ZNF879: variants seen among roughly 807,000 people sequenced by gnomAD.
ZNF879 encodes zinc finger protein 879.
ZNF879 carries 32 observed loss-of-function variants against 44.3 expected under a neutral mutation model. The ratio of observed to expected loss-of-function variants is 0.72; its 90% confidence interval spans 0.54 to 0.97. ZNF879 has a LOEUF of 0.97. Ranked by LOEUF, ZNF879 falls within the 50% of genes least tolerant of loss-of-function variation. The pLI is 0.00. For missense variants in ZNF879, 621 were observed against 669.7 expected (o/e 0.93, Z 0.80); for synonymous variants, 234 against 233.2 (o/e 1.00, Z -0.03).
Position 179,033,032 on chromosome 5 carries a change from C to T in ZNF879, c.1084C>T (p.His362Tyr). ...AFTSISRLSR[H>Y]HRIHTGEKPF... ...CACTTCAATATCGCGGCTAAGTAGGCACCATCGAATTCATACTGGAGAGAA... is the reference window on the plus strand; with the variant it reads ...CACTTCAATATCGCGGCTAAGTAGGTACCATCGAATTCATACTGGAGAGAA... Residue 362 changes from histidine (H) to tyrosine (Y), a missense_variant, in exon 5 of 5, where the codon CAC (histidine) becomes TAC (tyrosine). Transcript: ENST00000444149. The T allele has an allele frequency of 1.3e-6, 2 of 1,557,938 alleles. No homozygotes were observed. The highest frequency in any genetic ancestry group is 1.2e-5 in the South Asian group (1 of 84,752).
At chr5:179,031,394 A>C (rs144612676) in intron 4 of ZNF879, among the ~76,000 whole-genome samples, 2 of 152,306 alleles carry the variant, frequency 1.3e-5, no homozygotes, top group Non-Finnish European at 1.5e-5. Context: ...ACAGGAAGCT[A>C]TTCCTGCCTA....
chr5:179,030,766 A>G (rs1268850373), intron 4 of ZNF879, among the ~76,000 whole-genome samples: 1 of 152,364 alleles, frequency 6.6e-6, no homozygotes, highest in East Asian at 1.9e-4. Context: ...GTTTCATAAA[A>G]TACAAAAGGA....
In ZNF879 at chr5:179,032,872, A is replaced by C. The variant is rs754459954; in HGVS notation, c.924A>C (p.Arg308=). The change falls in exon 5 of 5, where the codon CGA becomes CGC. Residue 308 remains arginine (R), a synonymous_variant. Coordinates refer to ENST00000444149, the MANE Select transcript of ZNF879 (RefSeq NM_001136116.3). ...GTTCATCTCTTAATAATCACCAGCGAATTCACACAGGAGAGAAGCCCTATA... is the reference window on the plus strand; with the variant it reads ...GTTCATCTCTTAATAATCACCAGCGCATTCACACAGGAGAGAAGCCCTATA... The part of the protein sequence containing the change: ...KGSSSLNNHQ[R]IHTGEKPYKC... 2.0e-5 allele frequency: 32 copies of C among 1,568,594 alleles called. No homozygotes were observed. Among genetic ancestry groups the C allele is most frequent in the Non-Finnish European group, 2.8e-5 (32 of 1,156,780 alleles).
chr5:179,024,270 C>G (rs1761195923), intron 1 of ZNF879, among the ~76,000 whole-genome samples: 1 of 152,192 alleles, frequency 6.6e-6, no homozygotes, highest in African/African-American at 2.4e-5. Context: ...GGAGTTTAAA[C>G]TTTAGATTTA....
At chr5:179,024,845 G>C in intron 1 of ZNF879, 125 bp from the exon 2 acceptor site, 1 of 714,290 alleles carries the variant, frequency 1.4e-6, no homozygotes, top group East Asian at 2.7e-5. Context: ...GGCCCCTCTG[G>C]CCTGGGCAGT....
Position 179,032,226 on chromosome 5 carries a change from C to A in ZNF879, c.278C>A (p.Thr93Asn), listed in dbSNP as rs1009777408. ...TTAGGATGGGAAAGCTTGTTTGGAA[C>A]CATAGTTTCTAAAGAAGAAAATCAG... ...AHLGWESLFGTIVSKEENQEV... is the reference protein window; with the variant it reads ...AHLGWESLFGNIVSKEENQEV... The change falls in exon 5 of 5, where the codon ACC (threonine) becomes AAC (asparagine). Residue 93 changes from threonine (T) to asparagine (N), a missense_variant. By Grantham distance (65) the Thr-to-Asn change is moderately conservative. Coordinates refer to ENST00000444149, the MANE Select transcript of ZNF879 (RefSeq NM_001136116.3). 1.3e-6 allele frequency: 2 copies of A among 1,522,370 alleles called. No homozygotes were observed. Among genetic ancestry groups the A allele is most frequent in the African/African-American group, 2.8e-5 (2 of 71,102 alleles). 94.3% of individuals were successfully genotyped at this position (1,522,370 alleles called of 1,614,324 possible).
At position 179,033,414 on chromosome 5, in the gene ZNF879, G is replaced by A. The variant is rs1305594966; in HGVS notation, c.1466G>A (p.Cys489Tyr). ...GAAAAACCTTATAAATGTAATGACT[G>A]TGAGAAAGCCTTCAACCAAAGCTCA... ...TGEKPYKCND[C>Y]EKAFNQSSAL... The change falls in exon 5 of 5, where the codon TGT becomes TAT. Residue 489 changes from cysteine (C) to tyrosine (Y), a missense_variant. By Grantham distance (194) the Cys-to-Tyr change is radical (BLOSUM62 -2). Transcript: ENST00000444149. 1.9e-6 allele frequency: 3 copies of A among 1,559,814 alleles called. No individual in the cohort carries two copies. The Admixed American group carries it at 5.8e-5, about 30-fold the overall frequency.
intron 2 of ZNF879, among the ~76,000 whole-genome samples, chr5:179,026,522 G>A (rs549704269): frequency 6.6e-6 from 1 of 152,040 alleles, no homozygotes; most frequent in African/African-American, 2.4e-5. Flanking sequence ...TTACTCTGTT[G>A]CCCAGGCTGG....
At chr5:179,031,346 C>G (rs767381801) in intron 4 of ZNF879, among the ~76,000 whole-genome samples, 1 of 152,208 alleles carries the variant, frequency 6.6e-6, no homozygotes, top group Non-Finnish European at 1.5e-5. Context: ...CTTGTTCACT[C>G]TGCTTCAGCT....
At position 179,033,334 on chromosome 5, in the gene ZNF879, A is replaced by G; in HGVS notation, c.1386A>G (p.Gly462=). The change falls in exon 5 of 5, where the codon GGA becomes GGG. Residue 462 remains glycine (G), a synonymous_variant. Transcript: ENST00000444149. ...GEKPYNCKEC[G]KAFSSHSGVN... is the part of the protein sequence containing the mutation. ...AACCATATAATTGTAAGGAATGTGG[A>G]AAAGCCTTCAGTTCCCACTCAGGCG... 6.4e-7 allele frequency: 1 copy of G among 1,569,932 alleles called. No individual in the cohort carries two copies. The highest frequency in any genetic ancestry group is 8.6e-7 in the Non-Finnish European group (1 of 1,157,316).
In ZNF879 at chr5:179,032,220, T is replaced by C; in HGVS notation, c.272T>C (p.Phe91Ser). Residue 91 changes from phenylalanine (F) to serine (S), a missense_variant, in exon 5 of 5, where the codon TTT becomes TCT. Physicochemically the swap from Phe to Ser is radical, Grantham distance 155. Transcript: ENST00000444149. ...QGAHLGWESL[F>S]GTIVSKEENQ... is the part of the protein sequence containing the mutation. ...TCTACTTTAGGATGGGAAAGCTTGT[T>C]TGGAACCATAGTTTCTAAAGAAGAA... is the stretch of plus-strand genomic sequence containing the variant. The C allele has an allele frequency of 6.6e-7, 1 of 1,516,698 alleles. No homozygotes were observed. 94.0% of individuals were successfully genotyped at this position (1,516,698 alleles called of 1,614,324 possible). A position where few individuals can be genotyped will look rare whatever the true frequency, so the allele number is the denominator to read the frequency against.
rs563409307 is a variant in ZNF879 at position 179,033,568 on chromosome 5, T to C, written c.1620T>C (p.Tyr540=). 5.8e-6 allele frequency: 9 copies of C among 1,550,468 alleles called. No individual in the cohort carries two copies. In the Admixed American group the frequency reaches 7.9e-5, roughly 14 times the overall value. Residue 540 remains tyrosine (Y), a synonymous_variant, in exon 5 of 5, where the codon TAT becomes TAC. Transcript: ENST00000444149. ...GAATTCATACAGGGGAAAAACCTTA[T>C]AAATGTAAAGAATGTGGGAAGGCTT... The part of the protein sequence containing the change: ...HMRIHTGEKP[Y]KCKECGKAFS...
In ZNF879 at chr5:179,033,385, T is replaced by C; in HGVS notation, c.1437T>C (p.Thr479=). The C allele has an allele frequency of 3.9e-6, 6 of 1,558,270 alleles. No individual in the cohort carries two copies. The highest frequency in any genetic ancestry group is 5.2e-6 in the Non-Finnish European group (6 of 1,150,984). ...SGVNTHRKIH[T]GEKPYKCNDC... is the part of the protein sequence containing the mutation. ...TTAATACTCATCGAAAAATTCATAC[T>C]GGAGAAAAACCTTATAAATGTAATG... Residue 479 remains threonine, a synonymous_variant, in exon 5 of 5, where the codon ACT becomes ACC. Coordinates refer to ENST00000444149, the MANE Select transcript of ZNF879 (RefSeq NM_001136116.3).
At chr5:179,024,766 TGGCAGAAAGGTAGCA>T in intron 1 of ZNF879, 189 bp from the exon 2 acceptor site, 1 of 551,930 alleles carries the variant, frequency 1.8e-6, no homozygotes. Context: ...CGTAAAGCAC[TGGCAGAAAGGTAGCA>T]GGCCCGGTGA....
At chr5:179,028,214 AT>A in intron 4 of ZNF879, 87 bp downstream of exon 4, 1 of 1,174,408 alleles carries the variant, frequency 8.5e-7, no homozygotes, top group Non-Finnish European at 1.2e-6. Flanking sequence ...GGTCTCCTTG[AT>A]GTGCCAGGCC....
Position 179,034,769 on chromosome 5 carries a change from A to G in ZNF879, c.*1129A>G, listed in dbSNP as rs750480513. 6.6e-6 allele frequency: 1 copy of G among 152,234 alleles called. No individual in the cohort carries two copies. Among genetic ancestry groups the G allele is most frequent in the Non-Finnish European group, 1.5e-5 (1 of 68,048 alleles). The allele number at this position is 152,234 out of a possible 1,614,324, so 9.4% of individuals were successfully genotyped here. A position where few individuals can be genotyped will look rare whatever the true frequency, so the allele number is the denominator to read the frequency against. ...ATCATAAGATTAGCAAGCTAAAAAC[A>G]GTTATCTCACAAGTCAAAATTGTTG... On this transcript the variant is annotated 3_prime_UTR_variant, in exon 5 of 5. Coordinates refer to ENST00000444149, the MANE Select transcript of ZNF879 (RefSeq NM_001136116.3).
rs746197397 is a variant in ZNF879, at chr5:179,034,437, C to G, written c.*797C>G. On this transcript the variant is annotated 3_prime_UTR_variant, in exon 5 of 5. Transcript: ENST00000444149. ...TGTTATAAATTATCTCAGAATGTAG[C>G]CAATAGCAAGCACAGCTCAGCTCCC... 1.3e-5 allele frequency: 2 copies of G among 152,172 alleles called. No homozygotes were observed. Among genetic ancestry groups the G allele is most frequent in the Non-Finnish European group, 2.9e-5 (2 of 68,036 alleles). The allele number at this position is 152,172 out of a possible 1,614,324, so 9.4% of individuals were successfully genotyped here.
In ZNF879 at chr5:179,034,470, G is replaced by C. The variant is rs1761528660; in HGVS notation, c.*830G>C. ...AAGCACAGCTCAGCTCCCAGGGTCT[G>C]CCTGCTTCTGTGAGCTTTCTGGTTA... On this transcript the variant is annotated 3_prime_UTR_variant, in exon 5 of 5. Coordinates refer to ENST00000444149, the MANE Select transcript of ZNF879 (RefSeq NM_001136116.3). The C allele has an allele frequency of 6.6e-6, 1 of 152,238 alleles. No homozygotes were observed. Among genetic ancestry groups the C allele is most frequent in the African/African-American group, 2.4e-5 (1 of 41,456 alleles). The allele number at this position is 152,238 out of a possible 1,614,324, so 9.4% of individuals were successfully genotyped here. A position where few individuals can be genotyped will look rare whatever the true frequency, so the allele number is the denominator to read the frequency against.
intron 1 of ZNF879, chr5:179,024,429 G>A (rs1229691849): frequency 1.3e-5 from 2 of 152,344 alleles, no homozygotes; most frequent in African/African-American, 4.8e-5. Flanking sequence ...TTTCTAGCTA[G>A]TGATGCTGTT....
Sources: allele counts gnomAD v4.1 joint callset (sites outside exome capture counted in the v4.1 genomes callset), GRCh38; gene constraint gnomAD v4.1.1; transcripts MANE v1.5; gene names NCBI Gene and HGNC (gene_info 2026-07-23, HGNC 2026-07-21).